Variants in PIP observed in about 807,000 individuals in gnomAD.
The protein encoded by PIP is prolactin-inducible protein.
Under a neutral mutation model 12.8 loss-of-function variants are expected in PIP, and 9 were observed. That is an observed-to-expected ratio of 0.70 (90% CI 0.42 to 1.23). PIP has a LOEUF of 1.23. Ranked by LOEUF, PIP falls within the 50% of genes most tolerant of loss-of-function variation. The probability of loss-of-function intolerance (pLI) is 0.00; values close to 1 mark genes in which losing one functional copy is unlikely to be tolerated. For synonymous variants in PIP, 60 were observed against 66.1 expected (o/e 0.91, Z 0.45); for missense variants, 172 against 179.5 (o/e 0.96, Z 0.24).
At chr7:143,137,415 G>T (rs956837313) in intron 2 of PIP, among the ~76,000 whole-genome samples, 1 of 152,054 alleles carries the variant, frequency 6.6e-6, no homozygotes, top group Non-Finnish European at 1.5e-5. Flanking sequence ...TAGAAGAGTT[G>T]AATTTTATTC....
At chr7:143,135,510 G>C (rs1799299989) in intron 2 of PIP, among the ~76,000 whole-genome samples, 1 of 151,882 alleles carries the variant, frequency 6.6e-6, no homozygotes, top group African/African-American at 2.4e-5. Context: ...GAGAAGTCTA[G>C]GATAAATAAG....
At chr7:143,139,436 G>A in intron 3 of PIP, 82 bp from the exon 4 acceptor site, 1 of 1,534,366 alleles carries the variant, frequency 6.5e-7, no homozygotes, top group Non-Finnish European at 8.9e-7. Context: ...TGAACCCCAG[G>A]GGGCAGATGC....
At chr7:143,138,848 T>C (rs913853740) in intron 2 of PIP, among the ~76,000 whole-genome samples, 2 of 152,136 alleles carry the variant, frequency 1.3e-5, no homozygotes, top group South Asian at 4.1e-4. Flanking sequence ...TATCTCCTCC[T>C]GAGCTTCTCC....
intron 2 of PIP, among the ~76,000 whole-genome samples, chr7:143,137,623 G>C (rs545513674): frequency 6.6e-6 from 1 of 152,204 alleles, no homozygotes; most frequent in East Asian, 1.9e-4. Context: ...AACAAGGCCG[G>C]GCACAGTGGC....
At chr7:143,135,574 A>G (rs2116568999) in intron 2 of PIP, among the ~76,000 whole-genome samples, 1 of 152,210 alleles carries the variant, frequency 6.6e-6, no homozygotes, top group East Asian at 1.9e-4. Flanking sequence ...AAAAAAGTGT[A>G]AGAGCTAGTA....
intron 2 of PIP, 100 bp downstream of exon 2, chr7:143,135,399 TGA>T: frequency 1.8e-6 from 1 of 563,840 alleles, no homozygotes; most frequent in Non-Finnish European, 3.2e-6. Flanking sequence ...GTGTACTTAA[TGA>T]AACATTCTCA....
At position 143,138,383 on chromosome 7, in the gene PIP, C is replaced by A. The variant is rs910594972; in HGVS notation, c.202-692C>A. 7.9e-5 allele frequency among the ~76,000 whole-genome samples: 12 copies of A among 152,152 alleles called. 1 individual carries two copies. The highest frequency in any genetic ancestry group is 1.8e-4 in the Non-Finnish European group (12 of 67,984). On this transcript the variant is annotated intron_variant, in intron 2 of 3. Coordinates refer to ENST00000291009, the MANE Select transcript of PIP (RefSeq NM_002652.3). ...ACAGATCCCTCTGGGTCTATGGACC[C>A]CAGGATAAAACTGCTGTGTTAAACG...
At chr7:143,136,704 T>C (rs553526187) in intron 2 of PIP, among the ~76,000 whole-genome samples, 3 of 152,188 alleles carry the variant, frequency 2.0e-5, no homozygotes, top group Non-Finnish European at 4.4e-5. Flanking sequence ...TATAATAAGA[T>C]ATGTTTGAAT....
chr7:143,138,629 A>C (rs1488591672), intron 2 of PIP, among the ~76,000 whole-genome samples: 2 of 152,174 alleles, frequency 1.3e-5, no homozygotes, highest in Non-Finnish European at 2.9e-5. Flanking sequence ...AGAGGAGCAC[A>C]GATGGGGCTT....
At chr7:143,139,050 C>T in intron 2 of PIP, 25 bp from the exon 3 acceptor site, 1 of 1,110,662 alleles carries the variant, frequency 9.0e-7, no homozygotes, top group African/African-American at 1.5e-5. Context: ...ACAATGAATT[C>T]CCCCTCCCAC....
chr7:143,134,833 A>G (rs751711849), intron 1 of PIP, among the ~76,000 whole-genome samples: 64 of 152,020 alleles, frequency 4.2e-4, no homozygotes, highest in Non-Finnish European at 7.2e-4. Flanking sequence ...TGATTTTGCA[A>G]TTGTGAATTG....
At chr7:143,134,516 A>G (rs920196186) in intron 1 of PIP, among the ~76,000 whole-genome samples, 1 of 151,752 alleles carries the variant, frequency 6.6e-6, no homozygotes, top group Non-Finnish European at 1.5e-5. Flanking sequence ...CATCCACGCC[A>G]ACATCTACTG....
At chr7:143,132,440 C>T (rs1291636048) in intron 1 of PIP, among the ~76,000 whole-genome samples, 1 of 152,124 alleles carries the variant, frequency 6.6e-6, no homozygotes. Flanking sequence ...GGAAATAAAG[C>T]TCCAAATGTA....
chr7:143,136,469 G>C (rs1799311016), intron 2 of PIP, among the ~76,000 whole-genome samples: 1 of 152,072 alleles, frequency 6.6e-6, no homozygotes, highest in Non-Finnish European at 1.5e-5. Flanking sequence ...AATGAGCAAA[G>C]AATATCACAG....
At chr7:143,132,350 G>A (rs1037412207) in intron 1 of PIP, 139 bp downstream of exon 1, 2 of 959,518 alleles carry the variant, frequency 2.1e-6, no homozygotes, top group Non-Finnish European at 3.1e-6. Context: ...TGGATCTCCT[G>A]CCAGGTTCCA....
chr7:143,132,881 C>T (rs1309103128), intron 1 of PIP, among the ~76,000 whole-genome samples: 4 of 152,014 alleles, frequency 2.6e-5, no homozygotes, highest in South Asian at 2.1e-4. Flanking sequence ...GAGAAAGCAG[C>T]GATACCCAAT....
At position 143,135,267 on chromosome 7, in the gene PIP, G is replaced by A. The variant is rs754050246; in HGVS notation, c.169G>A (p.Ala57Thr). The A allele has an allele frequency of 6.3e-7, 1 of 1,598,404 alleles. No homozygotes were observed. The highest frequency in any genetic ancestry group is 8.6e-7 in the Non-Finnish European group (1 of 1,165,720). Reference protein sequence around the residue: ...RPNDEVTAVLAVQTELKECMV... With the variant: ...RPNDEVTAVLTVQTELKECMV... ...AAATGACGAAGTCACTGCAGTGCTT[G>A]CAGTTCAAACAGAATTGAAAGAATG... Residue 57 changes from alanine to threonine, a missense_variant, in exon 2 of 4, where the codon GCA (alanine) becomes ACA (threonine). Ala to Thr is a moderately conservative substitution (Grantham distance 58, BLOSUM62 0). Coordinates refer to ENST00000291009, the MANE Select transcript of PIP (RefSeq NM_002652.3).
At position 143,139,063 on chromosome 7, in the gene PIP, TCTC is replaced by T. The variant is rs137882280; in HGVS notation, c.202-8_202-6del. The T allele has an allele frequency of 2.3e-3, 2,946 of 1,274,018 alleles. 28 individuals carry two copies. Among genetic ancestry groups the T allele is most frequent in the African/African-American group, 0.022 (1,533 of 68,854 alleles). 78.9% of individuals were successfully genotyped at this position (1,274,018 alleles called of 1,614,324 possible). ...TAACAATGAATTCCCCCTCCCACCT[TCTC>T]CTCACCAGGTTAAAACTTACCTCAT... On this transcript the variant is annotated splice_polypyrimidine_tract_variant and intron_variant, in intron 2 of 3. Coordinates refer to ENST00000291009, the MANE Select transcript of PIP (RefSeq NM_002652.3).
intron 1 of PIP, among the ~76,000 whole-genome samples, 174 bp from the exon 2 acceptor site, chr7:143,135,020 C>T (rs1173520578): frequency 6.6e-6 from 1 of 152,024 alleles, no homozygotes; most frequent in South Asian, 2.1e-4. Flanking sequence ...TGTGAAGTTA[C>T]CAATCCAATC....
Sources: gnomAD v4.1 joint callset for allele counts (sites outside exome capture counted in the v4.1 genomes callset) on GRCh38, gnomAD v4.1.1 for gene constraint, MANE v1.5 for transcripts, NCBI Gene and HGNC (gene_info 2026-07-23, HGNC 2026-07-21) for gene names.